SGCD: variants seen among roughly 807,000 people sequenced by gnomAD.
SGCD encodes sarcoglycan delta.
In SGCD, 18 loss-of-function variants were observed where a neutral mutation model predicts 36.6. That is an observed-to-expected ratio of 0.49 (90% confidence interval 0.34 to 0.73). The LOEUF (loss-of-function observed/expected upper bound fraction) is 0.73. Ranked by LOEUF, SGCD falls within the 30% of genes least tolerant of loss-of-function variation. The probability of loss-of-function intolerance (pLI) is 0.01; values close to 1 mark genes in which losing one functional copy is unlikely to be tolerated. For missense variants in SGCD, 387 were observed against 346.7 expected, an observed-to-expected ratio of 1.12 and a Z score of -0.92; for synonymous variants, 133 against 130.6, an observed-to-expected ratio of 1.02 and a Z score of -0.12.
At chr5:155,849,165 C>T in the SGCD span, among the ~76,000 whole-genome samples, 11 of 152,182 alleles carry the variant, frequency 7.2e-5, no homozygotes, top group African/African-American at 2.4e-4. Context: ...AAACTAATGT[C>T]GTAATGGTAA....
At chr5:156,472,273 G>C (rs1423902142) in intron 3 of SGCD, among the ~76,000 whole-genome samples, 3 of 151,944 alleles carry the variant, frequency 2.0e-5, no homozygotes, top group Admixed American at 2.0e-4. Context: ...ATCCAAAAAG[G>C]GCTTTCAAAA....
chr5:156,492,069 A>C (rs1755970923), intron 3 of SGCD, among the ~76,000 whole-genome samples: 1 of 152,186 alleles, frequency 6.6e-6, no homozygotes, highest in Non-Finnish European at 1.5e-5. Context: ...TCCTCTAAAA[A>C]AGAGAGAGAA....
At chr5:156,735,554 TA>T (rs1200185441) in intron 7 of SGCD, among the ~76,000 whole-genome samples, 3 of 151,994 alleles carry the variant, frequency 2.0e-5, no homozygotes, top group African/African-American at 7.2e-5. Flanking sequence ...TGTGTTGTGC[TA>T]GGGGGTATCC....
intron 7 of SGCD, among the ~76,000 whole-genome samples, chr5:156,757,263 C>CAAA (rs34767809): frequency 0.033 from 2,321 of 69,386 alleles, 780 homozygotes; most frequent in Non-Finnish European, 0.043. Flanking sequence ...CTTACTTTTA[C>CAAA]AAAAAAAAAA....
chr5:155,733,966 C>T, the SGCD span, among the ~76,000 whole-genome samples: 1 of 151,616 alleles, frequency 6.6e-6, no homozygotes, highest in Non-Finnish European at 1.5e-5. Context: ...TAAATATTTG[C>T]TATGTGCCAG....
intron 1 of SGCD, among the ~76,000 whole-genome samples, chr5:156,011,285 T>G (rs994875774): frequency 6.6e-6 from 1 of 152,124 alleles, no homozygotes; most frequent in Non-Finnish European, 1.5e-5. Context: ...ACTTAGAATT[T>G]TTTTAATTAT....
intron 3 of SGCD, among the ~76,000 whole-genome samples, chr5:156,148,281 G>GC (rs1278796664): frequency 3.3e-5 from 5 of 152,164 alleles, no homozygotes; most frequent in African/African-American, 1.2e-4. Flanking sequence ...CAGACCATAT[G>GC]CAAACACAGC....
chr5:156,624,037 C>T (rs914666972), intron 6 of SGCD, among the ~76,000 whole-genome samples: 6 of 152,116 alleles, frequency 3.9e-5, no homozygotes, highest in Non-Finnish European at 5.9e-5. Context: ...TGGTCTTGTA[C>T]GGTGCAATCT....
chr5:156,740,742 T>G (rs989302584), intron 7 of SGCD, among the ~76,000 whole-genome samples: 19 of 152,180 alleles, frequency 1.2e-4, no homozygotes, highest in Admixed American at 9.2e-4. Context: ...ACCACCTCCT[T>G]AAAGAAAAAA....
chr5:156,124,688 CGTGT>C (rs1241983004), intron 3 of SGCD, among the ~76,000 whole-genome samples: 1 of 151,346 alleles, frequency 6.6e-6, no homozygotes, highest in Non-Finnish European at 1.5e-5. Flanking sequence ...TATCTCTGTG[CGTGT>C]GTATGTGTGC....
At chr5:156,486,003 T>C (rs1347541239) in intron 3 of SGCD, among the ~76,000 whole-genome samples, 4 of 152,082 alleles carry the variant, frequency 2.6e-5, no homozygotes, top group South Asian at 2.1e-4. Flanking sequence ...AGAGATACCA[T>C]GCAACAGCAG....
intron 3 of SGCD, among the ~76,000 whole-genome samples, chr5:156,203,094 C>A (rs549848722): frequency 6.6e-6 from 1 of 152,110 alleles, no homozygotes; most frequent in Admixed American, 6.6e-5. Context: ...AAGAATATCC[C>A]AGAATTAGTG....
intron 3 of SGCD, among the ~76,000 whole-genome samples, chr5:156,286,746 C>T (rs1190217290): frequency 2.0e-5 from 3 of 151,902 alleles, no homozygotes; most frequent in Non-Finnish European, 4.4e-5. Flanking sequence ...CTGGGTGCAG[C>T]ACACCAACAT....
chr5:156,308,507 C>A (rs776561881), intron 3 of SGCD, among the ~76,000 whole-genome samples: 1 of 152,090 alleles, frequency 6.6e-6, no homozygotes, highest in Non-Finnish European at 1.5e-5. Flanking sequence ...ACCGTGTTAG[C>A]CAGGATGGTC....
At chr5:155,827,134 T>TA in the SGCD span, among the ~76,000 whole-genome samples, 3 of 152,198 alleles carry the variant, frequency 2.0e-5, no homozygotes, top group African/African-American at 4.8e-5. Context: ...GACATGAGAC[T>TA]AATGGGTCAC....
intron 3 of SGCD, among the ~76,000 whole-genome samples, chr5:156,475,479 G>A (rs1339644111): frequency 1.3e-5 from 2 of 152,172 alleles, no homozygotes; most frequent in African/African-American, 4.8e-5. Flanking sequence ...ATAGACCACA[G>A]CACAGTGCAT....
At chr5:156,310,464 C>A (rs190192729) in intron 3 of SGCD, among the ~76,000 whole-genome samples, 1 of 152,286 alleles carries the variant, frequency 6.6e-6, no homozygotes, top group Admixed American at 6.5e-5. Flanking sequence ...ATGAACATCC[C>A]GCCAGTGTGC....
At chr5:156,444,111 TCTCTCCCCTTCC>T (rs1561699399) in intron 3 of SGCD, among the ~76,000 whole-genome samples, 8 of 90,026 alleles carry the variant, frequency 8.9e-5, no homozygotes, top group East Asian at 4.0e-4. Flanking sequence ...TCTCTCTCTC[TCTCTCCCCTTCC>T]CTCTCTCTCT....
intron 3 of SGCD, among the ~76,000 whole-genome samples, chr5:156,362,737 T>C (rs1055734955): frequency 1.3e-5 from 2 of 152,214 alleles, no homozygotes; most frequent in Non-Finnish European, 2.9e-5. Flanking sequence ...TGGAGAACTT[T>C]TCCAATAAGG....
Sources: allele counts gnomAD v4.1 joint callset (sites outside exome capture counted in the v4.1 genomes callset), GRCh38; gene constraint gnomAD v4.1.1; transcripts MANE v1.5; gene names NCBI Gene and HGNC (gene_info 2026-07-23, HGNC 2026-07-21).